PCDHA3: variants seen among roughly 807,000 people sequenced by gnomAD.
PCDHA3 encodes protocadherin alpha 3.
In PCDHA3, 41 loss-of-function variants were observed where a neutral mutation model predicts 62.2. The observed-to-expected ratio is 0.66, with a 90% CI of 0.51 to 0.86. PCDHA3 has a LOEUF of 0.86. Among genes scored for constraint, PCDHA3 ranks in the 40% least tolerant of loss-of-function variants. The pLI, the probability that PCDHA3 is intolerant of heterozygous loss-of-function variation, is 0.00. For missense variants in PCDHA3, 1,304 were observed against 1,241.2 expected, an observed-to-expected ratio of 1.05 and a Z score of -0.76; for synonymous variants, 640 against 555.4, an observed-to-expected ratio of 1.15 and a Z score of -2.14.
At chr5:140,883,038 A>G (rs782789489) in intron 1 of PCDHA3, 3 of 1,614,160 alleles carry the variant, frequency 1.9e-6, no homozygotes, top group East Asian at 2.2e-5. Context: ...AACGCCTTCA[A>G]TGGAACATTA....
chr5:140,845,159 A>G (rs1332368561), intron 1 of PCDHA3, among the ~76,000 whole-genome samples: 4 of 149,530 alleles, frequency 2.7e-5, no homozygotes, highest in Non-Finnish European at 1.5e-5. Context: ...TGTAAAAGCG[A>G]ATTGTTTTCA....
intron 3 of PCDHA3, among the ~76,000 whole-genome samples, chr5:140,990,731 A>G (rs1554251699): frequency 1.3e-5 from 2 of 152,166 alleles, no homozygotes; most frequent in South Asian, 4.1e-4. Flanking sequence ...AGGTATATCA[A>G]CAGCCCTAGG....
intron 1 of PCDHA3, among the ~76,000 whole-genome samples, chr5:140,839,879 G>A (rs1448032566): frequency 6.6e-6 from 1 of 151,996 alleles, no homozygotes; most frequent in East Asian, 1.9e-4. Flanking sequence ...AAGATGAATA[G>A]AATTTTGACA....
In PCDHA3 at chr5:140,857,745, C is replaced by A. The variant is rs782206343; in HGVS notation, c.2394+54154C>A. ...AACGACAACGCTCCCGCGCTGCTGG[C>A]GTCTCCCGCTGGCAGCGCGGGCGGT... is the stretch of plus-strand genomic sequence containing the variant. On this transcript the variant is annotated intron_variant, in intron 1 of 3. Coordinates refer to ENST00000522353, the MANE Select transcript of PCDHA3 (RefSeq NM_018906.3). 4.6e-5 allele frequency: 73 copies of A among 1,597,310 alleles called. 8 individuals carry two copies. Among genetic ancestry groups the A allele is most frequent in the Non-Finnish European group, 5.8e-5 (68 of 1,167,612 alleles).
At chr5:140,980,397 C>T (rs888776890) in intron 2 of PCDHA3, among the ~76,000 whole-genome samples, 3 of 152,100 alleles carry the variant, frequency 2.0e-5, no homozygotes, top group South Asian at 2.1e-4. Context: ...TTTGGGAGGC[C>T]GAGGTGGGCA....
chr5:140,888,263 A>G (rs1251792046), intron 1 of PCDHA3, among the ~76,000 whole-genome samples: 1 of 152,136 alleles, frequency 6.6e-6, no homozygotes, highest in East Asian at 1.9e-4. Flanking sequence ...GTTCTTGATA[A>G]GAAACAGTTT....
intron 1 of PCDHA3, among the ~76,000 whole-genome samples, chr5:140,918,108 A>G (rs1283760333): frequency 2.6e-5 from 4 of 152,166 alleles, no homozygotes; most frequent in Non-Finnish European, 5.9e-5. Context: ...GATCTTTCAC[A>G]TCCTTGATTA....
intron 1 of PCDHA3, among the ~76,000 whole-genome samples, chr5:140,896,526 A>G (rs1554186988): frequency 6.9e-6 from 1 of 144,852 alleles, no homozygotes; most frequent in African/African-American, 2.5e-5. Context: ...CACAAAGCCC[A>G]GCTATTTTTC....
chr5:140,833,027 G>C (rs1455283039), intron 1 of PCDHA3, among the ~76,000 whole-genome samples: 3 of 152,186 alleles, frequency 2.0e-5, no homozygotes, highest in Non-Finnish European at 4.4e-5. Flanking sequence ...CCATAAGAGA[G>C]AGTGTGATAT....
chr5:140,924,902 A>AAAAAT (rs1554202311), intron 1 of PCDHA3, among the ~76,000 whole-genome samples: 1 of 39,026 alleles, frequency 2.6e-5, no homozygotes, highest in Non-Finnish European at 6.3e-5. Context: ...CTCAAAAAAA[A>AAAAAT]AAATAAAATA....
At chr5:140,877,041 A>G (rs782570873) in intron 1 of PCDHA3, 15 of 1,612,586 alleles carry the variant, frequency 9.3e-6, no homozygotes, top group African/African-American at 4.0e-5. Context: ...TGCAGCCGCT[A>G]GACCACGAGG....
intron 3 of PCDHA3, among the ~76,000 whole-genome samples, chr5:141,003,222 G>A (rs1221950770): frequency 2.6e-5 from 4 of 152,224 alleles, no homozygotes; most frequent in Non-Finnish European, 4.4e-5. Flanking sequence ...CATGAAAGAG[G>A]AAAGCTGGAA....
At chr5:140,935,253 A>G (rs1469038997) in intron 1 of PCDHA3, among the ~76,000 whole-genome samples, 1 of 152,226 alleles carries the variant, frequency 6.6e-6, no homozygotes, top group Non-Finnish European at 1.5e-5. Flanking sequence ...GATAAAATAC[A>G]TCACATGTTT....
chr5:140,860,841 T>C (rs251367), intron 1 of PCDHA3: 102,021 of 152,038 alleles, frequency 0.67, 34,407 homozygotes, highest in Middle Eastern at 0.71. Context: ...AGGTTCACGC[T>C]ATTCTCCTGC....
chr5:140,836,887 T>C, intron 1 of PCDHA3: 1 of 643,788 alleles, frequency 1.6e-6, no homozygotes, highest in South Asian at 2.6e-5. Context: ...CACTAATTAT[T>C]TGGAAGTACG....
intron 1 of PCDHA3, among the ~76,000 whole-genome samples, chr5:140,878,983 AGAAAT>A (rs2153364854): frequency 6.6e-6 from 1 of 152,352 alleles, no homozygotes; most frequent in Non-Finnish European, 1.5e-5. Flanking sequence ...CCTCTATCTT[AGAAAT>A]GAGAGTATGC....
chr5:140,939,807 C>G (rs927084385), intron 1 of PCDHA3, among the ~76,000 whole-genome samples: 1 of 152,088 alleles, frequency 6.6e-6, no homozygotes, highest in African/African-American at 2.4e-5. Context: ...TCTGCATGTT[C>G]AAGAAAAAGC....
chr5:140,883,580 AC>A, intron 1 of PCDHA3: 1 of 1,613,994 alleles, frequency 6.2e-7, no homozygotes. Flanking sequence ...GCTGTGGGCC[AC>A]GGCCAGCGTG....
chr5:140,942,540 G>C lies in PCDHA3; in HGVS notation c.2395-36409G>C, dbSNP rs1013086382. Among the ~76,000 whole-genome samples the C allele has an allele frequency of 8.5e-5, 13 of 152,164 alleles. No homozygotes were observed. In the South Asian group the frequency reaches 1.5e-3, roughly 17 times the overall value. ...GGGGAAGCAACTAACTCAGTATGGT[G>C]GGGGGTAGGGGGTTGAGGCAGAAAA... On this transcript the variant is annotated intron_variant, in intron 1 of 3. Transcript: ENST00000522353.
Sources: allele counts gnomAD v4.1 joint callset (sites outside exome capture counted in the v4.1 genomes callset), GRCh38; gene constraint gnomAD v4.1.1; transcripts MANE v1.5; gene names NCBI Gene and HGNC (gene_info 2026-07-23, HGNC 2026-07-21).